The following CHST11 variants were observed in gnomAD, a reference collection of about 807,000 sequenced individuals.
CHST11 encodes the protein C4S-1.
Under a neutral mutation model 30.4 loss-of-function variants are expected in CHST11, and 9 were observed. The observed-to-expected ratio is 0.30, with a 90% CI of 0.18 to 0.52. The LOEUF (loss-of-function observed/expected upper bound fraction) is 0.52, where lower values mean the gene tolerates loss of function less well. Ranked by LOEUF, CHST11 falls within the 20% of genes least tolerant of loss-of-function variation. The pLI, the probability that CHST11 is intolerant of heterozygous loss-of-function variation, is 0.97. For synonymous variants in CHST11, 152 were observed against 187.8 expected (o/e 0.81, Z 1.56); for missense variants, 348 against 460.6 (o/e 0.76, Z 2.24).
At chr12:104,583,081 C>G (rs2038763420) in intron 1 of CHST11, among the ~76,000 whole-genome samples, 1 of 152,046 alleles carries the variant, frequency 6.6e-6, no homozygotes, top group Non-Finnish European at 1.5e-5. Context: ...CTAAGTGCGG[C>G]CACATACATA....
chr12:104,621,848 C>T (rs2039162248), intron 2 of CHST11, among the ~76,000 whole-genome samples: 1 of 152,198 alleles, frequency 6.6e-6, no homozygotes, highest in South Asian at 2.1e-4. Flanking sequence ...TTAGTTGGAG[C>T]TAAGCTTCCC....
intron 2 of CHST11, among the ~76,000 whole-genome samples, chr12:104,647,999 T>G (rs1481846980): frequency 6.6e-6 from 1 of 152,212 alleles, no homozygotes; most frequent in Non-Finnish European, 1.5e-5. Flanking sequence ...ATATGCCTTT[T>G]CTATGACTTG....
intron 2 of CHST11, among the ~76,000 whole-genome samples, chr12:104,726,662 T>A (rs971349936): frequency 6.6e-6 from 1 of 152,082 alleles, no homozygotes; most frequent in Non-Finnish European, 1.5e-5. Context: ...GGCTGGTCTA[T>A]AGGTGTAATG....
intron 1 of CHST11, among the ~76,000 whole-genome samples, chr12:104,537,519 A>G (rs1322291468): frequency 6.6e-6 from 1 of 152,198 alleles, no homozygotes; most frequent in Non-Finnish European, 1.5e-5. Context: ...CACACCACTC[A>G]CAAGAACATT....
intron 1 of CHST11, among the ~76,000 whole-genome samples, chr12:104,486,304 A>AT (rs5800622): frequency 4.6e-3 from 672 of 147,118 alleles, no homozygotes; most frequent in East Asian, 0.011. Context: ...AGTCAGTGTG[A>AT]TTTTTTTTTT....
At chr12:104,567,088 C>A (rs2038574971) in intron 1 of CHST11, among the ~76,000 whole-genome samples, 1 of 152,104 alleles carries the variant, frequency 6.6e-6, no homozygotes, top group Non-Finnish European at 1.5e-5. Flanking sequence ...TTATCAGGAC[C>A]AATTTGCAAA....
chr12:104,644,066 C>T (rs893640842), intron 2 of CHST11, among the ~76,000 whole-genome samples: 3 of 152,124 alleles, frequency 2.0e-5, no homozygotes, highest in Admixed American at 6.5e-5. Flanking sequence ...AGGAGCTGTC[C>T]GGCCAGTTGT....
chr12:104,635,817 C>T (rs541216679), intron 2 of CHST11, among the ~76,000 whole-genome samples: 1 of 152,272 alleles, frequency 6.6e-6, no homozygotes, highest in East Asian at 1.9e-4. Flanking sequence ...TGATCAAGTC[C>T]TCTGTGTTCA....
At chr12:104,585,683 A>G (rs1252997640) in intron 1 of CHST11, among the ~76,000 whole-genome samples, 1 of 152,228 alleles carries the variant, frequency 6.6e-6, no homozygotes, top group Non-Finnish European at 1.5e-5. Flanking sequence ...TAGGGCTGCC[A>G]TGACAAATTC....
intron 1 of CHST11, among the ~76,000 whole-genome samples, chr12:104,523,195 A>G (rs758156956): frequency 8.5e-5 from 13 of 152,222 alleles, no homozygotes; most frequent in African/African-American, 1.4e-4. Context: ...GAGTGGTGAG[A>G]GTCCACATTG....
intron 1 of CHST11, chr12:104,514,291 C>G (rs538454788): frequency 5.7e-6 from 5 of 878,158 alleles, no homozygotes; most frequent in Non-Finnish European, 9.8e-6. Context: ...GGCATTGGAG[C>G]GGTGTTTGGC....
chr12:104,719,591 A>G (rs1423374526), intron 2 of CHST11, among the ~76,000 whole-genome samples: 2 of 152,330 alleles, frequency 1.3e-5, no homozygotes, highest in African/African-American at 4.8e-5. Context: ...TTTAATTCTA[A>G]GAAATGCTGC....
intron 2 of CHST11, among the ~76,000 whole-genome samples, chr12:104,672,665 G>A (rs1427449255): frequency 3.9e-5 from 6 of 152,162 alleles, no homozygotes; most frequent in Non-Finnish European, 8.8e-5. Context: ...TCACCATGAC[G>A]GGCAGCTCAG....
intron 1 of CHST11, among the ~76,000 whole-genome samples, chr12:104,501,034 G>A (rs2037848889): frequency 6.6e-6 from 1 of 152,168 alleles, no homozygotes; most frequent in African/African-American, 2.4e-5. Flanking sequence ...AACAGCACCT[G>A]CTGTTCAGGA....
At chr12:104,518,498 G>T (rs560004113) in intron 1 of CHST11, among the ~76,000 whole-genome samples, 1 of 152,132 alleles carries the variant, frequency 6.6e-6, no homozygotes, top group African/African-American at 2.4e-5. Flanking sequence ...AGGCAAATAC[G>T]ATGTCTGTGC....
At chr12:104,722,084 G>T (rs1225148782) in intron 2 of CHST11, among the ~76,000 whole-genome samples, 1 of 151,754 alleles carries the variant, frequency 6.6e-6, no homozygotes, top group Non-Finnish European at 1.5e-5. Context: ...GACCTCCCAG[G>T]CTCAAACCAT....
At chr12:104,585,447 G>A (rs1347689390) in intron 1 of CHST11, among the ~76,000 whole-genome samples, 1 of 152,208 alleles carries the variant, frequency 6.6e-6, no homozygotes, top group Non-Finnish European at 1.5e-5. Context: ...AGAAAGACAA[G>A]GGAGTGGACA....
chr12:104,567,668 C>T (rs1391229743), intron 1 of CHST11, among the ~76,000 whole-genome samples: 1 of 152,138 alleles, frequency 6.6e-6, no homozygotes, highest in Non-Finnish European at 1.5e-5. Flanking sequence ...GAGCAAGGAT[C>T]CAGGGTCACA....
chr12:104,635,124 A>G (rs1013051236), intron 2 of CHST11, among the ~76,000 whole-genome samples: 1 of 152,020 alleles, frequency 6.6e-6, no homozygotes, highest in Non-Finnish European at 1.5e-5. Context: ...TTGAGATTTC[A>G]TTTGTCACAA....
Sources: gnomAD v4.1 joint callset for allele counts (sites outside exome capture counted in the v4.1 genomes callset) on GRCh38, gnomAD v4.1.1 for gene constraint, MANE v1.5 for transcripts, NCBI Gene and HGNC (gene_info 2026-07-23, HGNC 2026-07-21) for gene names.